DTNBP1: variants seen among roughly 807,000 people sequenced by gnomAD.
DTNBP1 encodes the protein dysbindin.
DTNBP1 carries 35 observed loss-of-function variants against 42.8 expected under a neutral mutation model. That is an observed-to-expected ratio of 0.82 (90% confidence interval 0.63 to 1.09). The LOEUF (loss-of-function observed/expected upper bound fraction) is 1.09. Ranked by LOEUF, DTNBP1 falls within the 50% of genes least tolerant of loss-of-function variation. DTNBP1 has a pLI of 0.00. For synonymous variants in DTNBP1, 171 were observed against 162.2 expected (o/e 1.05, Z -0.41); for missense variants, 457 against 424.2 (o/e 1.08, Z -0.68).
At chr6:15,596,848 G>A (rs986473440) in intron 6 of DTNBP1, among the ~76,000 whole-genome samples, 5 of 152,090 alleles carry the variant, frequency 3.3e-5, no homozygotes, top group African/African-American at 4.8e-5. Flanking sequence ...TCCAGTCGAC[G>A]TCATCTCAGT....
Position 15,615,259 on chromosome 6 carries a change from A to C in DTNBP1, c.488+8T>G, listed in dbSNP as rs1391014435. The C allele has an allele frequency of 2.5e-6, 4 of 1,614,048 alleles. No individual in the cohort carries two copies. The highest frequency in any genetic ancestry group is 3.3e-5 in the Admixed American group (2 of 60,010). On this transcript the variant is annotated splice_region_variant and intron_variant, in intron 6 of 9. Coordinates refer to ENST00000344537, the MANE Select transcript of DTNBP1 (RefSeq NM_032122.5). Reference sequence around the variant, plus strand: ...GAATGAATACTGTGGCAAACTTTTCAAACTCACCTCTTATTTTTCTTGTAA... The same window carrying C: ...GAATGAATACTGTGGCAAACTTTTCCAACTCACCTCTTATTTTTCTTGTAA...
At chr6:15,541,325 G>A (rs192573896) in intron 7 of DTNBP1, among the ~76,000 whole-genome samples, 100 of 152,232 alleles carry the variant, frequency 6.6e-4, no homozygotes, top group African/African-American at 2.3e-3. Flanking sequence ...TGAAATGATG[G>A]GAGGATATTT....
Position 15,636,269 on chromosome 6 carries a change from G to A in DTNBP1, c.222+1475C>T, listed in dbSNP as rs531898047. 1.6e-4 allele frequency among the ~76,000 whole-genome samples: 24 copies of A among 151,352 alleles called. No individual in the cohort carries two copies. In the South Asian group the frequency reaches 4.8e-3, roughly 30 times the overall value. ...AGGTTGAAGCGATTCTTCTGCCTCAGCCTCCCGAGTAGTTGGGATTACAGG... is the reference window on the plus strand; with the variant it reads ...AGGTTGAAGCGATTCTTCTGCCTCAACCTCCCGAGTAGTTGGGATTACAGG... On this transcript the variant is annotated intron_variant, in intron 4 of 9. Transcript: ENST00000344537.
chr6:15,606,960 C>T (rs775135555), intron 6 of DTNBP1, among the ~76,000 whole-genome samples: 1 of 150,864 alleles, frequency 6.6e-6, no homozygotes, highest in African/African-American at 2.4e-5. Context: ...GTGTTACATG[C>T]AAATTGATTC....
rs59261831 is a variant in DTNBP1 at position 15,585,064 on chromosome 6, AAT to A, written c.511+7993_511+7994del. Reference sequence around the variant, plus strand: ...TGAAGTTATATGAAATTATGAAAAGAATATATATATATATATATATATATATA... The same window carrying A: ...TGAAGTTATATGAAATTATGAAAAGAATATATATATATATATATATATATA... On this transcript the variant is annotated intron_variant, in intron 7 of 9. Coordinates refer to ENST00000344537, the MANE Select transcript of DTNBP1 (RefSeq NM_032122.5). Among the ~76,000 whole-genome samples, 1,126 of 118,262 alleles carry A rather than the reference AAT, an allele frequency of 9.5e-3. 11 individuals carry two copies. Among genetic ancestry groups the A allele is most frequent in the Middle Eastern group, 0.014 (3 of 222 alleles). 77.6% of individuals were successfully genotyped at this position (118,262 alleles called of 152,430 possible).
At chr6:15,561,611 C>A (rs185371237) in intron 7 of DTNBP1, among the ~76,000 whole-genome samples, 2 of 152,158 alleles carry the variant, frequency 1.3e-5, no homozygotes, top group African/African-American at 2.4e-5. Flanking sequence ...CCTCTACAAC[C>A]CTTAGAATTA....
intron 8 of DTNBP1, among the ~76,000 whole-genome samples, chr6:15,532,969 G>A (rs923718311): frequency 2.0e-5 from 3 of 151,994 alleles, no homozygotes; most frequent in Non-Finnish European, 2.9e-5. Flanking sequence ...AAAGTGCTGG[G>A]ATTACAGGCG....
At chr6:15,650,616 T>C (rs1760936970) in intron 3 of DTNBP1, among the ~76,000 whole-genome samples, 1 of 152,180 alleles carries the variant, frequency 6.6e-6, no homozygotes, top group Admixed American at 6.5e-5. Context: ...CCCTGAAGAC[T>C]GACAACGTTG....
intron 7 of DTNBP1, among the ~76,000 whole-genome samples, chr6:15,536,174 C>T (rs1354761299): frequency 6.6e-6 from 1 of 152,156 alleles, no homozygotes; most frequent in Admixed American, 6.5e-5. Context: ...CCTGACAATG[C>T]GACAGAAAAG....
chr6:15,661,179 C>T (rs1761593838), intron 1 of DTNBP1, among the ~76,000 whole-genome samples: 1 of 152,226 alleles, frequency 6.6e-6, no homozygotes, highest in East Asian at 1.9e-4. Context: ...TTTTGGCTAA[C>T]ATCTTTCTCA....
intron 6 of DTNBP1, among the ~76,000 whole-genome samples, chr6:15,613,389 C>T (rs1187006670): frequency 1.3e-5 from 1 of 76,948 alleles, no homozygotes; most frequent in Non-Finnish European, 2.3e-5. Context: ...TTTTTTGAGA[C>T]GGAGTCTTGC....
intron 4 of DTNBP1, among the ~76,000 whole-genome samples, chr6:15,628,398 CTTTTTTTTTTTTTT>C (rs70996561): frequency 2.6e-5 from 2 of 77,060 alleles, no homozygotes; most frequent in South Asian, 1.1e-3. Flanking sequence ...GATTAAGGTT[CTTTTTTTTTTTTTT>C]TTTTTTTTTT....
At chr6:15,533,203 G>A (rs1406733622) in intron 8 of DTNBP1, 37 bp downstream of exon 8, 1 of 1,611,262 alleles carries the variant, frequency 6.2e-7, no homozygotes, top group African/African-American at 1.3e-5. Context: ...CGCACAGCCG[G>A]TGAGTCCCCA....
At chr6:15,653,438 C>A (rs1161458649) in intron 1 of DTNBP1, among the ~76,000 whole-genome samples, 5 of 152,218 alleles carry the variant, frequency 3.3e-5, no homozygotes, top group Non-Finnish European at 7.3e-5. Flanking sequence ...TCACTCACTG[C>A]TTCTGCCAGC....
At chr6:15,553,499 T>G (rs534227007) in intron 7 of DTNBP1, among the ~76,000 whole-genome samples, 4 of 151,944 alleles carry the variant, frequency 2.6e-5, no homozygotes, top group Non-Finnish European at 5.9e-5. Flanking sequence ...GTTTTAGGCC[T>G]TCCAAAGTCT....
rs75325009 is a variant in DTNBP1, at chr6:15,571,472, C to T, written c.511+21587G>A. Among the ~76,000 whole-genome samples, 8 of 152,152 alleles carry T rather than the reference C, an allele frequency of 5.3e-5. No homozygotes were observed. The East Asian group carries it at 5.8e-4, about 11-fold the overall frequency. On this transcript the variant is annotated intron_variant, in intron 7 of 9. Coordinates refer to ENST00000344537, the MANE Select transcript of DTNBP1 (RefSeq NM_032122.5). The stretch of plus-strand genomic sequence containing the variant: ...TTTCCCTCCTTCTGTTCCTCTCTCC[C>T]GCCCTCTTTTAGTTTTACTATAATA...
At chr6:15,651,411 G>T (rs781007479) in intron 2 of DTNBP1, 48 bp from the exon 3 acceptor site, 1 of 1,287,504 alleles carries the variant, frequency 7.8e-7, no homozygotes, top group Non-Finnish European at 1.1e-6. Flanking sequence ...TTAGCCAACT[G>T]AAAAAAAAAA....
chr6:15,651,010 A>C (rs1166781940), intron 3 of DTNBP1, among the ~76,000 whole-genome samples: 1 of 152,234 alleles, frequency 6.6e-6, no homozygotes. Context: ...AAAGCAAAAA[A>C]ACAAAATTAT....
chr6:15,531,520 T>TC (rs1164163843), intron 8 of DTNBP1, among the ~76,000 whole-genome samples: 1 of 152,238 alleles, frequency 6.6e-6, no homozygotes, highest in East Asian at 1.9e-4. Context: ...TAAACAAGCA[T>TC]CATCCACACA....
Sources: gnomAD v4.1 joint callset for allele counts (sites outside exome capture counted in the v4.1 genomes callset) on GRCh38, gnomAD v4.1.1 for gene constraint, MANE v1.5 for transcripts, NCBI Gene and HGNC (gene_info 2026-07-23, HGNC 2026-07-21) for gene names.